The following MBD5 variants were observed in gnomAD, a reference collection of about 807,000 sequenced individuals.
MBD5 encodes the protein methyl-CpG-binding domain protein 5.
In MBD5, 13 loss-of-function variants were observed where a neutral mutation model predicts 117.3. That is an observed-to-expected ratio of 0.11 (90% CI 0.07 to 0.18). The LOEUF is 0.18. MBD5 is among the 10% of genes least tolerant of loss of function. The pLI is 1.00. For missense variants in MBD5, 1,879 were observed against 2,093.8 expected (o/e 0.90, Z 2.00); for synonymous variants, 727 against 766.4 (o/e 0.95, Z 0.85).
At chr2:148,313,829 ATCTGGGCTGGAATGCACTGT>A (rs1375579577) in intron 3 of MBD5, among the ~76,000 whole-genome samples, 1 of 152,124 alleles carries the variant, frequency 6.6e-6, no homozygotes, top group Non-Finnish European at 1.5e-5. Context: ...AAAGCAGAGT[ATCTGGGCTGGAATGCACTGT>A]TCCTAATGGC....
At chr2:148,092,925 CCTT>C (rs1237875643) in intron 1 of MBD5, among the ~76,000 whole-genome samples, 3 of 151,784 alleles carry the variant, frequency 2.0e-5, no homozygotes, top group Admixed American at 6.6e-5. Context: ...TCTATCATGA[CCTT>C]TTTTTTTTTG....
chr2:148,227,525 T>C (rs564896036), intron 2 of MBD5, among the ~76,000 whole-genome samples: 1 of 152,326 alleles, frequency 6.6e-6, no homozygotes, highest in Non-Finnish European at 1.5e-5. Flanking sequence ...GGGCTTGTAG[T>C]ATAGTTTGAA....
intron 11 of MBD5, among the ~76,000 whole-genome samples, chr2:148,499,458 A>G (rs1681807362): frequency 6.6e-6 from 1 of 152,204 alleles, no homozygotes; most frequent in African/African-American, 2.4e-5. Flanking sequence ...ATCAGCATGA[A>G]ACTGTGTGGG....
intron 4 of MBD5, among the ~76,000 whole-genome samples, chr2:148,456,497 C>G (rs1574444159): frequency 6.6e-6 from 1 of 152,124 alleles, no homozygotes; most frequent in East Asian, 1.9e-4. Context: ...CTCCCAGCAC[C>G]TAGCATAGTA....
intron 1 of MBD5, among the ~76,000 whole-genome samples, chr2:148,144,020 A>G (rs999714348): frequency 2.0e-5 from 3 of 152,218 alleles, no homozygotes. Flanking sequence ...TCCTTGAGGA[A>G]TCGCTACACT....
chr2:148,031,339 T>TA (rs35688557), intron 1 of MBD5, among the ~76,000 whole-genome samples: 10 of 149,956 alleles, frequency 6.7e-5, no homozygotes, highest in South Asian at 4.2e-4. Context: ...ATATGCCTTG[T>TA]AAAAAAAAAA....
chr2:148,141,283 G>A (rs892980712), intron 1 of MBD5, among the ~76,000 whole-genome samples: 3 of 152,116 alleles, frequency 2.0e-5, no homozygotes, highest in Non-Finnish European at 2.9e-5. Flanking sequence ...GAAAATTCAA[G>A]CAAGATCTTC....
intron 1 of MBD5, among the ~76,000 whole-genome samples, chr2:148,042,238 C>A (rs1002093845): frequency 6.6e-6 from 1 of 152,158 alleles, no homozygotes; most frequent in Non-Finnish European, 1.5e-5. Flanking sequence ...GGCACTCTTA[C>A]ACTAAGAGTT....
intron 3 of MBD5, among the ~76,000 whole-genome samples, chr2:148,341,925 T>TA (rs1262364711): frequency 1.3e-5 from 2 of 152,012 alleles, no homozygotes; most frequent in Non-Finnish European, 2.9e-5. Context: ...ATAGTAGATA[T>TA]ACAAAATTAT....
At chr2:148,252,944 A>G (rs72856343) in intron 3 of MBD5, among the ~76,000 whole-genome samples, 35,095 of 151,970 alleles carry the variant, frequency 0.23, 4,400 homozygotes, top group East Asian at 0.53. Flanking sequence ...GTGGTGTCTG[A>G]AGAATGTGTC....
chr2:148,417,164 C>T (rs1705445173), intron 4 of MBD5, among the ~76,000 whole-genome samples: 1 of 152,062 alleles, frequency 6.6e-6, no homozygotes, highest in Admixed American at 6.6e-5. Flanking sequence ...ACTCTGTCAC[C>T]CAGGCTGGAG....
intron 1 of MBD5, among the ~76,000 whole-genome samples, chr2:148,065,015 A>G (rs2105025669): frequency 6.6e-6 from 1 of 152,220 alleles, no homozygotes. Context: ...ACCAGTAGTC[A>G]GGGGAGATTC....
At chr2:148,506,203 T>A (rs1013792956) in intron 12 of MBD5, among the ~76,000 whole-genome samples, 1 of 152,222 alleles carries the variant, frequency 6.6e-6, no homozygotes, top group African/African-American at 2.4e-5. Context: ...AGTAGTAACA[T>A]ATTTATTTAA....
At chr2:148,488,356 A>T (rs1190663262) in intron 10 of MBD5, among the ~76,000 whole-genome samples, 1 of 152,172 alleles carries the variant, frequency 6.6e-6, no homozygotes, top group Admixed American at 6.5e-5. Context: ...AAGATCTAGG[A>T]TTGATGGGCA....
intron 2 of MBD5, among the ~76,000 whole-genome samples, chr2:148,227,923 G>A (rs920580073): frequency 1.3e-5 from 2 of 152,128 alleles, no homozygotes; most frequent in African/African-American, 4.8e-5. Flanking sequence ...TCTGTTATTG[G>A]TGTATAAGAA....
chr2:148,383,075 A>G (rs1254506848), intron 4 of MBD5, among the ~76,000 whole-genome samples: 2 of 152,048 alleles, frequency 1.3e-5, no homozygotes, highest in African/African-American at 4.8e-5. Context: ...CACATTCAAA[A>G]GCTAGCAGAA....
At chr2:148,465,906 T>C (rs902203408) in intron 7 of MBD5, among the ~76,000 whole-genome samples, 6 of 152,240 alleles carry the variant, frequency 3.9e-5, no homozygotes, top group Non-Finnish European at 8.8e-5. Context: ...TTCTACAGAG[T>C]CTGCTTATTG....
chr2:148,513,802 C>T lies in MBD5; in HGVS notation c.*861C>T, dbSNP rs1198623499. On this transcript the variant is annotated 3_prime_UTR_variant, in exon 14 of 14. Coordinates refer to ENST00000642680, the MANE Select transcript of MBD5 (RefSeq NM_001378120.1). ...TTTACTCAGCCATTTCTGTAGTTAA[C>T]ATTTGATAGCCACCTGTTGAAGCAG... is the stretch of plus-strand genomic sequence containing the variant. The T allele has an allele frequency of 6.6e-6, 1 of 152,112 alleles. No homozygotes were observed. The highest frequency in any genetic ancestry group is 2.4e-5 in the African/African-American group (1 of 41,396). The allele number at this position is 152,112 out of a possible 1,614,324, so 9.4% of individuals were successfully genotyped here.
chr2:148,136,756 A>G (rs1194398923), intron 1 of MBD5, among the ~76,000 whole-genome samples: 1 of 151,526 alleles, frequency 6.6e-6, no homozygotes, highest in Non-Finnish European at 1.5e-5. Context: ...TCTTCTCCCC[A>G]GTTTATTAAT....
Sources: gnomAD v4.1 joint callset for allele counts (sites outside exome capture counted in the v4.1 genomes callset) on GRCh38, gnomAD v4.1.1 for gene constraint, MANE v1.5 for transcripts, NCBI Gene and HGNC (gene_info 2026-07-23, HGNC 2026-07-21) for gene names.